Variants in KIAA0825 observed in about 807,000 individuals in gnomAD.
The protein encoded by KIAA0825 is uncharacterized protein KIAA0825.
KIAA0825 carries 119 observed loss-of-function variants against 147.6 expected under a neutral mutation model. The ratio of observed to expected loss-of-function variants is 0.81; its 90% confidence interval spans 0.69 to 0.94. The LOEUF (loss-of-function observed/expected upper bound fraction) is 0.94, where lower values mean the gene tolerates loss of function less well. KIAA0825 is among the 40% of genes least tolerant of loss of function. The pLI, the probability that KIAA0825 is intolerant of heterozygous loss-of-function variation, is 0.00. For missense variants in KIAA0825, 1,381 were observed against 1,472.7 expected, an observed-to-expected ratio of 0.94 and a Z score of 1.02; for synonymous variants, 470 against 518.1, an observed-to-expected ratio of 0.91 and a Z score of 1.26.
At chr5:94,603,218 G>A (rs1786831478) in intron 1 of KIAA0825, among the ~76,000 whole-genome samples, 1 of 152,166 alleles carries the variant, frequency 6.6e-6, no homozygotes, top group Admixed American at 6.5e-5. Context: ...GAAACTAATA[G>A]TGAACCTCTT....
At chr5:94,443,359 T>TATAC (rs969199146) in intron 13 of KIAA0825, among the ~76,000 whole-genome samples, 10 of 148,728 alleles carry the variant, frequency 6.7e-5, no homozygotes, top group East Asian at 5.9e-4. Flanking sequence ...TGTATATATA[T>TATAC]ACACACACAC....
intron 2 of KIAA0825, among the ~76,000 whole-genome samples, chr5:94,552,717 C>T (rs569748912): frequency 1.9e-4 from 29 of 152,240 alleles, no homozygotes; most frequent in African/African-American, 7.0e-4. Context: ...TGAAACATGG[C>T]AACATGGATG....
At chr5:94,482,407 T>C (rs778032752) in intron 6 of KIAA0825, among the ~76,000 whole-genome samples, 1 of 152,094 alleles carries the variant, frequency 6.6e-6, no homozygotes, top group Non-Finnish European at 1.5e-5. Context: ...GGCAACTCTT[T>C]CCAAGATCTT....
chr5:94,531,929 T>TTG (rs754794025), intron 3 of KIAA0825, among the ~76,000 whole-genome samples: 3 of 151,704 alleles, frequency 2.0e-5, no homozygotes, highest in Admixed American at 6.6e-5. Context: ...ATATTAATAT[T>TTG]TGTGTGTGTG....
chr5:94,506,667 CTT>C (rs1487141997), intron 5 of KIAA0825, among the ~76,000 whole-genome samples: 1 of 152,086 alleles, frequency 6.6e-6, no homozygotes, highest in Non-Finnish European at 1.5e-5. Context: ...ATTAAATATA[CTT>C]TTTAAAAATA....
chr5:94,249,537 A>G (rs1056191774), intron 20 of KIAA0825, among the ~76,000 whole-genome samples: 10 of 152,072 alleles, frequency 6.6e-5, no homozygotes, highest in South Asian at 2.1e-4. Context: ...GGCATGTGTA[A>G]CACCCAGGTT....
intron 8 of KIAA0825, among the ~76,000 whole-genome samples, chr5:94,472,234 A>G (rs1455686229): frequency 2.6e-5 from 4 of 152,158 alleles, no homozygotes; most frequent in Non-Finnish European, 5.9e-5. Context: ...GCATCTTCTT[A>G]TTGGTAGGGT....
intron 7 of KIAA0825, among the ~76,000 whole-genome samples, chr5:94,476,191 A>G (rs928679889): frequency 6.6e-6 from 1 of 152,210 alleles, no homozygotes; most frequent in East Asian, 1.9e-4. Context: ...TACCTAGTGT[A>G]TCAGTCAGGG....
chr5:94,245,978 A>C (rs1162156414), intron 20 of KIAA0825, among the ~76,000 whole-genome samples: 2 of 152,182 alleles, frequency 1.3e-5, no homozygotes, highest in East Asian at 3.9e-4. Context: ...TCAATTCTGC[A>C]TAACACAGAT....
At chr5:94,237,274 G>C (rs1775099947) in intron 20 of KIAA0825, among the ~76,000 whole-genome samples, 2 of 152,142 alleles carry the variant, frequency 1.3e-5, no homozygotes, top group Non-Finnish European at 2.9e-5. Flanking sequence ...TTCCTCATGT[G>C]ATGGACACAC....
chr5:94,361,516 T>A (rs922892163), intron 20 of KIAA0825, among the ~76,000 whole-genome samples: 1 of 152,220 alleles, frequency 6.6e-6, no homozygotes, highest in East Asian at 1.9e-4. Flanking sequence ...GTAAAATTAT[T>A]AAATAAAATG....
chr5:94,286,836 G>A (rs573841267), intron 20 of KIAA0825, among the ~76,000 whole-genome samples: 1 of 152,206 alleles, frequency 6.6e-6, no homozygotes, highest in South Asian at 2.1e-4. Context: ...ACTGTGTCCT[G>A]GTGCTGTGGC....
intron 20 of KIAA0825, among the ~76,000 whole-genome samples, chr5:94,378,257 C>T (rs1455715273): frequency 6.6e-6 from 1 of 152,200 alleles, no homozygotes. Flanking sequence ...CCTCCTCCCA[C>T]TCCCTACCCT....
chr5:94,297,796 A>G (rs1365673619), intron 20 of KIAA0825, among the ~76,000 whole-genome samples: 5 of 151,582 alleles, frequency 3.3e-5, no homozygotes, highest in African/African-American at 1.2e-4. Context: ...AGGTTTCACT[A>G]TGTTGGCCAG....
At chr5:94,441,972 A>T (rs1159339169) in intron 13 of KIAA0825, among the ~76,000 whole-genome samples, 1 of 152,196 alleles carries the variant, frequency 6.6e-6, no homozygotes, top group Admixed American at 6.5e-5. Flanking sequence ...CTAAAGTTTT[A>T]TCTGTTCAAT....
intron 20 of KIAA0825, among the ~76,000 whole-genome samples, chr5:94,209,997 C>A (rs565765380): frequency 6.6e-6 from 1 of 152,324 alleles, no homozygotes; most frequent in South Asian, 2.1e-4. Context: ...ACTGCTTCGA[C>A]ATGATTTGTC....
intron 4 of KIAA0825, among the ~76,000 whole-genome samples, chr5:94,523,463 G>T (rs1169110509): frequency 4.6e-5 from 7 of 151,576 alleles, no homozygotes; most frequent in Non-Finnish European, 1.0e-4. Flanking sequence ...TGATTGAAAA[G>T]AACTGGGTTA....
At chr5:94,325,618 A>C (rs1158596777) in intron 20 of KIAA0825, among the ~76,000 whole-genome samples, 1 of 151,984 alleles carries the variant, frequency 6.6e-6, no homozygotes, top group Non-Finnish European at 1.5e-5. Context: ...ATCTCAATTA[A>C]CTTTAGTATA....
intron 20 of KIAA0825, among the ~76,000 whole-genome samples, chr5:94,239,738 A>G (rs1228068869): frequency 1.3e-5 from 2 of 152,174 alleles, no homozygotes; most frequent in African/African-American, 4.8e-5. Flanking sequence ...AACAAAACAT[A>G]TGCACCTATG....
Sources: allele counts gnomAD v4.1 joint callset (sites outside exome capture counted in the v4.1 genomes callset), GRCh38; gene constraint gnomAD v4.1.1; transcripts MANE v1.5; gene names NCBI Gene and HGNC (gene_info 2026-07-23, HGNC 2026-07-21).